RBFOX1: variants seen among roughly 807,000 people sequenced by gnomAD.
RBFOX1 encodes RNA binding fox-1 homolog 1.
RBFOX1 carries 8 observed loss-of-function variants against 57.7 expected under a neutral mutation model. That is an observed-to-expected ratio of 0.14 (90% CI 0.08 to 0.25). The LOEUF is 0.25. Among genes scored for constraint, RBFOX1 ranks in the 10% least tolerant of loss-of-function variants. The pLI is 1.00. For missense variants in RBFOX1, 611 were observed against 548.5 expected (o/e 1.11, Z -1.14); for synonymous variants, 326 against 222.4 (o/e 1.47, Z -4.15).
chr16:6,854,206 C>T (rs2057373053), intron 3 of RBFOX1, among the ~76,000 whole-genome samples: 1 of 152,090 alleles, frequency 6.6e-6, no homozygotes, highest in African/African-American at 2.4e-5. Context: ...ACAGAGCTTG[C>T]ATTCATCTTC....
intron 3 of RBFOX1, among the ~76,000 whole-genome samples, chr16:5,714,613 A>G (rs1423413902): frequency 1.3e-5 from 2 of 152,206 alleles, no homozygotes; most frequent in African/African-American, 4.8e-5. Flanking sequence ...TACTGTGGCA[A>G]TAGGTAACAG....
chr16:7,510,202 G>A (rs1008799970), intron 4 of RBFOX1: 45 of 985,724 alleles, frequency 4.6e-5, no homozygotes, highest in Non-Finnish European at 5.1e-5. Flanking sequence ...ATTGCACAGC[G>A]CGCACACCCT....
intron 4 of RBFOX1, among the ~76,000 whole-genome samples, chr16:7,295,026 C>T (rs763714179): frequency 6.6e-6 from 1 of 152,132 alleles, no homozygotes; most frequent in African/African-American, 2.4e-5. Flanking sequence ...AAATTAATTA[C>T]CATCTGGCCA....
At chr16:6,263,039 A>G (rs1172434986) in intron 1 of RBFOX1, among the ~76,000 whole-genome samples, 1 of 152,180 alleles carries the variant, frequency 6.6e-6, no homozygotes, top group Non-Finnish European at 1.5e-5. Flanking sequence ...CACCCACTCA[A>G]AGAACCAGGG....
chr16:7,553,252 T>C (rs1193080860), intron 5 of RBFOX1, among the ~76,000 whole-genome samples: 3 of 152,076 alleles, frequency 2.0e-5, no homozygotes, highest in Non-Finnish European at 4.4e-5. Flanking sequence ...TCAAATTATC[T>C]TCCCAGGTCA....
chr16:5,255,355 T>TCCAC (rs1220807518), intron 1 of RBFOX1, among the ~76,000 whole-genome samples: 6 of 101,098 alleles, frequency 5.9e-5, no homozygotes, highest in South Asian at 2.7e-4. Flanking sequence ...CATCCATCCC[T>TCCAC]CCATCCATCC....
intron 1 of RBFOX1, among the ~76,000 whole-genome samples, chr16:6,236,643 G>A (rs2097507016): frequency 6.6e-6 from 1 of 151,946 alleles, no homozygotes; most frequent in Non-Finnish European, 1.5e-5. Context: ...TAGAGGTGGG[G>A]TTTCACCATG....
chr16:6,124,272 C>T (rs2096572620), intron 1 of RBFOX1, among the ~76,000 whole-genome samples: 1 of 152,192 alleles, frequency 6.6e-6, no homozygotes, highest in African/African-American at 2.4e-5. Context: ...AGAGAGTCTT[C>T]AGTCTCCATG....
intron 4 of RBFOX1, among the ~76,000 whole-genome samples, chr16:7,303,621 A>C (rs1189495662): frequency 2.0e-5 from 3 of 152,156 alleles, no homozygotes; most frequent in Non-Finnish European, 4.4e-5. Flanking sequence ...GAAGGAAAAA[A>C]AGGAAAAAAA....
chr16:6,154,262 C>T (rs186126439), intron 1 of RBFOX1, among the ~76,000 whole-genome samples: 50 of 152,300 alleles, frequency 3.3e-4, no homozygotes, highest in African/African-American at 1.2e-3. Context: ...AAAGTAATTA[C>T]GGTTTTTGCT....
intron 1 of RBFOX1, among the ~76,000 whole-genome samples, chr16:6,170,180 G>A (rs1435413724): frequency 6.6e-6 from 1 of 152,188 alleles, no homozygotes; most frequent in African/African-American, 2.4e-5. Flanking sequence ...GCTATGGCAT[G>A]AGGAAGGGTA....
chr16:7,680,445 A>G (rs1338239289), intron 14 of RBFOX1, among the ~76,000 whole-genome samples: 1 of 152,124 alleles, frequency 6.6e-6, no homozygotes, highest in Non-Finnish European at 1.5e-5. Context: ...AGTGCATGAA[A>G]ATGTCCCTCC....
At chr16:7,381,741 T>A (rs1029758558) in intron 4 of RBFOX1, among the ~76,000 whole-genome samples, 1 of 152,202 alleles carries the variant, frequency 6.6e-6, no homozygotes, top group African/African-American at 2.4e-5. Context: ...CCCTTAATGG[T>A]TGGCGTAGGC....
chr16:7,136,738 A>T (rs761464043), intron 4 of RBFOX1, among the ~76,000 whole-genome samples: 9 of 152,176 alleles, frequency 5.9e-5, no homozygotes, highest in Admixed American at 1.3e-4. Flanking sequence ...AAATTATCGG[A>T]TAGTGCTAGG....
At chr16:6,961,549 C>A (rs562841739) in intron 3 of RBFOX1, among the ~76,000 whole-genome samples, 1 of 152,102 alleles carries the variant, frequency 6.6e-6, no homozygotes, top group Non-Finnish European at 1.5e-5. Flanking sequence ...ATTAGACGAG[C>A]GAAGAAACAA....
intron 4 of RBFOX1, among the ~76,000 whole-genome samples, chr16:5,963,946 T>C (rs920909149): frequency 6.6e-6 from 1 of 152,080 alleles, no homozygotes; most frequent in Non-Finnish European, 1.5e-5. Flanking sequence ...AAGGAAACCC[T>C]CAACAAAATG....
intron 3 of RBFOX1, among the ~76,000 whole-genome samples, chr16:5,683,534 G>A (rs1462742687): frequency 6.6e-6 from 1 of 151,856 alleles, no homozygotes; most frequent in Non-Finnish European, 1.5e-5. Flanking sequence ...TATAAAGCAG[G>A]CAGAAAAACC....
intron 4 of RBFOX1, among the ~76,000 whole-genome samples, chr16:7,485,738 T>C (rs566272059): frequency 5.9e-5 from 9 of 152,360 alleles, no homozygotes; most frequent in South Asian, 2.1e-4. Context: ...TGTATGTACA[T>C]ATATGTATTT....
intron 4 of RBFOX1, among the ~76,000 whole-genome samples, chr16:5,939,189 T>C (rs973480701): frequency 7.2e-5 from 11 of 152,174 alleles, no homozygotes; most frequent in African/African-American, 2.7e-4. Context: ...TATGTAGACA[T>C]GTAACAAACC....
Sources: allele counts gnomAD v4.1 joint callset (sites outside exome capture counted in the v4.1 genomes callset), GRCh38; gene constraint gnomAD v4.1.1; transcripts MANE v1.5; gene names NCBI Gene and HGNC (gene_info 2026-07-23, HGNC 2026-07-21).